FBXW10B: variants seen among roughly 807,000 people sequenced by gnomAD.
FBXW10B encodes F-box and WD repeat domain containing protein 10B.
the FBXW10B span, chr17:15,612,910 C>A: frequency 1.9e-5 from 29 of 1,510,480 alleles, no homozygotes; most frequent in South Asian, 2.3e-4. Context: ...AAAACTAGTT[C>A]TTGGCAAAAT....
At chr17:15,604,179 A>C in the FBXW10B span, among the ~76,000 whole-genome samples, 271 of 152,002 alleles carry the variant, frequency 1.8e-3, 2 homozygotes, top group African/African-American at 6.0e-3. Context: ...ACAGTATCTC[A>C]GTGAAAATAA....
At chr17:15,605,500 T>G in the FBXW10B span, 1 of 1,219,252 alleles carries the variant, frequency 8.2e-7, no homozygotes. Context: ...CCCCATGACT[T>G]TTGCCTACAG....
At chr17:15,566,756 G>C in the FBXW10B span, among the ~76,000 whole-genome samples, 1 of 151,570 alleles carries the variant, frequency 6.6e-6, no homozygotes. Context: ...AGTAGAGACG[G>C]GGTTTCACCG....
chr17:15,584,358 C>G, the FBXW10B span, among the ~76,000 whole-genome samples: 1 of 152,040 alleles, frequency 6.6e-6, no homozygotes, highest in African/African-American at 2.4e-5. Context: ...GATAAAACCA[C>G]AATTTAGCAT....
At chr17:15,604,569 G>C in the FBXW10B span, among the ~76,000 whole-genome samples, 1 of 152,022 alleles carries the variant, frequency 6.6e-6, no homozygotes, top group South Asian at 2.1e-4. Context: ...GAGTCTTGCT[G>C]TGTCGCCCAG....
At chr17:15,597,775 TAAC>T in the FBXW10B span, among the ~76,000 whole-genome samples, 69,743 of 151,858 alleles carry the variant, frequency 0.46, 16,702 homozygotes, top group East Asian at 0.58. Flanking sequence ...AGACAAAATA[TAAC>T]AACAACCAGA....
At chr17:15,569,144 T>G in the FBXW10B span, 314,533 of 704,806 alleles carry the variant, frequency 0.45, 72,485 homozygotes, top group Middle Eastern at 0.53. Flanking sequence ...TTTCCTTTTG[T>G]GTAGATACTC....
At chr17:15,572,486 A>G in the FBXW10B span, 1 of 152,248 alleles carries the variant, frequency 6.6e-6, no homozygotes, top group Non-Finnish European at 1.5e-5. Flanking sequence ...TCTGTGCTAA[A>G]TGCTGGAATA....
the FBXW10B span, among the ~76,000 whole-genome samples, chr17:15,603,634 T>C: frequency 6.6e-6 from 1 of 151,868 alleles, no homozygotes. Flanking sequence ...GAATGTAAAT[T>C]AATACAACCA....
At chr17:15,608,413 G>A in the FBXW10B span, among the ~76,000 whole-genome samples, 1 of 151,442 alleles carries the variant, frequency 6.6e-6, no homozygotes, top group African/African-American at 2.4e-5. Context: ...GCCTGCCTCG[G>A]CTTCCCAAAG....
the FBXW10B span, chr17:15,574,219 C>G: frequency 2.9e-6 from 2 of 692,224 alleles, no homozygotes; most frequent in Admixed American, 4.3e-5. Flanking sequence ...AAAGAAAATA[C>G]CAACTCCATG....
the FBXW10B span, among the ~76,000 whole-genome samples, chr17:15,609,862 T>TC: frequency 7.1e-6 from 1 of 140,934 alleles, no homozygotes; most frequent in African/African-American, 2.7e-5. Context: ...CTTTTTTTTT[T>TC]TTTTTTTTTT....
the FBXW10B span, chr17:15,619,452 C>A: frequency 6.2e-7 from 1 of 1,613,966 alleles, no homozygotes; most frequent in East Asian, 2.2e-5. Flanking sequence ...GGGATGGAAT[C>A]GGTTCCCTTC....
the FBXW10B span, among the ~76,000 whole-genome samples, chr17:15,595,196 T>G: frequency 6.6e-6 from 1 of 151,848 alleles, no homozygotes; most frequent in African/African-American, 2.4e-5. Context: ...AAAAATAAGC[T>G]GGGCTTGGTG....
chr17:15,595,047 G>A, the FBXW10B span: 1 of 695,082 alleles, frequency 1.4e-6, no homozygotes, highest in Non-Finnish European at 1.8e-6. Context: ...TTTGCTCTAA[G>A]AAGGCCAATG....
the FBXW10B span, among the ~76,000 whole-genome samples, chr17:15,566,800 G>A: frequency 4.0e-5 from 6 of 150,576 alleles, no homozygotes; most frequent in African/African-American, 9.7e-5. Context: ...TCCTGACCTC[G>A]TGATCCGCCC....
At chr17:15,579,059 T>C in the FBXW10B span, among the ~76,000 whole-genome samples, 1 of 151,716 alleles carries the variant, frequency 6.6e-6, no homozygotes, top group Non-Finnish European at 1.5e-5. Context: ...TGCATGCCTA[T>C]AATCGCAGCT....
At chr17:15,583,257 A>T in the FBXW10B span, among the ~76,000 whole-genome samples, 1,946 of 112,628 alleles carry the variant, frequency 0.017, 47 homozygotes, top group Middle Eastern at 0.067. Context: ...GCCTTCTCAC[A>T]CGCTGTTCCC....
the FBXW10B span, among the ~76,000 whole-genome samples, chr17:15,603,868 C>T: frequency 0.16 from 22,273 of 136,250 alleles, 2,165 homozygotes; most frequent in East Asian, 0.33. Context: ...GTCAGGAGAT[C>T]GAGACCATCC....
Sources: allele counts gnomAD v4.1 joint callset (sites outside exome capture counted in the v4.1 genomes callset), GRCh38; gene constraint gnomAD v4.1.1; transcripts MANE v1.5; gene names NCBI Gene and HGNC (gene_info 2026-07-23, HGNC 2026-07-21).